EYS: variants seen among roughly 807,000 people sequenced by gnomAD.
EYS encodes protein eyes shut homolog.
EYS carries 250 observed loss-of-function variants against 282.1 expected under a neutral mutation model. The observed-to-expected ratio is 0.89, with a 90% CI of 0.80 to 0.98. The LOEUF is 0.98. EYS is among the 50% of genes least tolerant of loss of function. EYS has a pLI of 0.00. For missense variants in EYS, 4,016 were observed against 3,709.0 expected (o/e 1.08, Z -2.15); for synonymous variants, 1,355 against 1,282.9 (o/e 1.06, Z -1.20).
chr6:64,072,852 G>T (rs966942088), intron 32 of EYS, among the ~76,000 whole-genome samples: 1 of 151,864 alleles, frequency 6.6e-6, no homozygotes, highest in East Asian at 1.9e-4. Context: ...TATAGTGTAG[G>T]GTAGAACAGA....
intron 31 of EYS, among the ~76,000 whole-genome samples, chr6:64,174,188 G>C (rs1393282724): frequency 6.6e-6 from 1 of 151,818 alleles, no homozygotes; most frequent in African/African-American, 2.4e-5. Flanking sequence ...TGGCCAATAA[G>C]AGCAAAGTCT....
At chr6:64,939,001 C>T (rs1769003782) in intron 15 of EYS, among the ~76,000 whole-genome samples, 1 of 151,616 alleles carries the variant, frequency 6.6e-6, no homozygotes. Context: ...TTAATTATGT[C>T]TCAATAAAAT....
At chr6:64,315,912 C>T (rs572805499) in intron 29 of EYS, among the ~76,000 whole-genome samples, 1 of 152,274 alleles carries the variant, frequency 6.6e-6, no homozygotes, top group East Asian at 1.9e-4. Context: ...GCTGGTTCAA[C>T]ATATGCAAAT....
Position 63,837,292 on chromosome 6 carries a change from G to A in EYS, c.7228+26894C>T, listed in dbSNP as rs556653539. Among the ~76,000 whole-genome samples the A allele has an allele frequency of 5.3e-5, 8 of 152,114 alleles. No homozygotes were observed. The South Asian group carries it at 1.7e-3, about 32-fold the overall frequency. ...ATTAAAAACAGTTTGCAAATTGATG[G>A]GGATTTTCTCATCTGTGTAGAGAAT... On this transcript the variant is annotated intron_variant, in intron 36 of 42. Transcript: ENST00000503581.
At chr6:65,109,657 T>TA (rs111607590) in intron 12 of EYS, among the ~76,000 whole-genome samples, 1,610 of 136,262 alleles carry the variant, frequency 0.012, 10 homozygotes, top group African/African-American at 0.023. Context: ...ACTCCTTACA[T>TA]AAAAAAAAAA....
chr6:64,192,394 A>C (rs984530750), intron 31 of EYS, among the ~76,000 whole-genome samples: 34 of 152,138 alleles, frequency 2.2e-4, no homozygotes, highest in African/African-American at 8.0e-4. Context: ...TTAGACATGA[A>C]GTCCTTGCCT....
chr6:63,922,913 C>T (rs1376224548), intron 35 of EYS, among the ~76,000 whole-genome samples: 2 of 152,178 alleles, frequency 1.3e-5, no homozygotes, highest in Non-Finnish European at 2.9e-5. Flanking sequence ...CTAGTCTTGC[C>T]TTGACAAATA....
At chr6:64,595,192 A>G (rs983411047) in intron 24 of EYS, among the ~76,000 whole-genome samples, 1 of 152,224 alleles carries the variant, frequency 6.6e-6, no homozygotes, top group African/African-American at 2.4e-5. Context: ...GACAAAATCC[A>G]TATAAGTATC....
chr6:64,625,471 G>T (rs1400455382), intron 23 of EYS, among the ~76,000 whole-genome samples: 1 of 152,150 alleles, frequency 6.6e-6, no homozygotes, highest in Non-Finnish European at 1.5e-5. Context: ...CCTGCTTCTT[G>T]GTTCTTAGAT....
At chr6:64,945,138 A>AG (rs1276959240) in intron 15 of EYS, among the ~76,000 whole-genome samples, 1 of 151,372 alleles carries the variant, frequency 6.6e-6, no homozygotes, top group Non-Finnish European at 1.5e-5. Context: ...AAAAAAAAAA[A>AG]AAAAAAAGAA....
intron 31 of EYS, among the ~76,000 whole-genome samples, chr6:64,098,903 G>A (rs114318049): frequency 0.031 from 4,781 of 152,076 alleles, 220 homozygotes; most frequent in African/African-American, 0.099. Context: ...GCACCTGGCC[G>A]TAATGTTTTA....
At chr6:65,002,406 T>C (rs560926810) in intron 13 of EYS, among the ~76,000 whole-genome samples, 1 of 147,596 alleles carries the variant, frequency 6.8e-6, no homozygotes, top group Admixed American at 6.7e-5. Flanking sequence ...ACTGTTTTGC[T>C]CAGCTGGCAC....
At chr6:65,517,721 C>G (rs1241017831) in intron 2 of EYS, among the ~76,000 whole-genome samples, 1 of 151,778 alleles carries the variant, frequency 6.6e-6, no homozygotes, top group Non-Finnish European at 1.5e-5. Context: ...ATTATTTCAA[C>G]CAAGTAAAGG....
At chr6:65,265,179 C>T (rs908049687) in intron 12 of EYS, among the ~76,000 whole-genome samples, 1 of 151,980 alleles carries the variant, frequency 6.6e-6, no homozygotes, top group African/African-American at 2.4e-5. Flanking sequence ...CTTTTGTACC[C>T]AAACTTCAGT....
At chr6:64,488,645 A>C (rs147239539) in intron 26 of EYS, among the ~76,000 whole-genome samples, 77 of 151,230 alleles carry the variant, frequency 5.1e-4, no homozygotes, top group African/African-American at 1.8e-3. Flanking sequence ...AACTATGTTT[A>C]TAATAAAAAT....
At chr6:64,774,402 C>A (rs1326344411) in intron 22 of EYS, among the ~76,000 whole-genome samples, 1 of 151,934 alleles carries the variant, frequency 6.6e-6, no homozygotes, top group Non-Finnish European at 1.5e-5. Context: ...TATCTCCACT[C>A]AATCTGGGAG....
At chr6:64,240,751 C>G (rs1766796965) in intron 30 of EYS, among the ~76,000 whole-genome samples, 1 of 152,160 alleles carries the variant, frequency 6.6e-6, no homozygotes, top group South Asian at 2.1e-4. Flanking sequence ...GTTTCTTTCT[C>G]TTGCCTGATT....
intron 12 of EYS, among the ~76,000 whole-genome samples, chr6:65,209,693 G>A (rs949103406): frequency 1.3e-5 from 2 of 151,928 alleles, no homozygotes; most frequent in Non-Finnish European, 2.9e-5. Flanking sequence ...GGTGGAGGAA[G>A]TGCAATGCGT....
intron 26 of EYS, among the ~76,000 whole-genome samples, chr6:64,548,227 G>A (rs1476948228): frequency 1.3e-5 from 2 of 152,240 alleles, no homozygotes; most frequent in Non-Finnish European, 2.9e-5. Flanking sequence ...TCACCTCTCA[G>A]TGGGACTGTA....
Sources: gnomAD v4.1 joint callset for allele counts (sites outside exome capture counted in the v4.1 genomes callset) on GRCh38, gnomAD v4.1.1 for gene constraint, MANE v1.5 for transcripts, NCBI Gene and HGNC (gene_info 2026-07-23, HGNC 2026-07-21) for gene names.